PTPRD: variants seen among roughly 807,000 people sequenced by gnomAD.
The protein encoded by PTPRD is protein tyrosine phosphatase receptor type D.
In PTPRD, 34 loss-of-function variants were observed where a neutral mutation model predicts 214.5. That is an observed-to-expected ratio of 0.16 (90% CI 0.12 to 0.21). The LOEUF (loss-of-function observed/expected upper bound fraction) is 0.21. Among genes scored for constraint, PTPRD ranks in the 10% least tolerant of loss-of-function variants. PTPRD has a pLI of 1.00. For synonymous variants in PTPRD, 1,128 were observed against 845.7 expected, an observed-to-expected ratio of 1.33 and a Z score of -5.79; for missense variants, 2,545 against 2,398.7, an observed-to-expected ratio of 1.06 and a Z score of -1.27.
At chr9:8,828,430 C>G (rs1415304724) in intron 11 of PTPRD, among the ~76,000 whole-genome samples, 1 of 152,132 alleles carries the variant, frequency 6.6e-6, no homozygotes, top group South Asian at 2.1e-4. Context: ...GTCTGTGAAC[C>G]AGGAAAAAGA....
Position 8,619,978 on chromosome 9 carries a change from G to A in PTPRD, c.352+13339C>T, listed in dbSNP as rs566783737. On this transcript the variant is annotated intron_variant, in intron 14 of 45. Coordinates refer to ENST00000381196, the MANE Select transcript of PTPRD (RefSeq NM_002839.4). ...TTGGTCAAGCCACCTCTGAATCTCAGCTGCTCTGAACTTGTAGCCTCTCCA... is the reference window on the plus strand; with the variant it reads ...TTGGTCAAGCCACCTCTGAATCTCAACTGCTCTGAACTTGTAGCCTCTCCA... 6.6e-5 allele frequency among the ~76,000 whole-genome samples: 10 copies of A among 152,090 alleles called. 1 individual carries two copies. The South Asian group carries it at 2.1e-3, about 32-fold the overall frequency.
At chr9:8,786,294 C>T (rs1303626457) in intron 11 of PTPRD, among the ~76,000 whole-genome samples, 2 of 150,700 alleles carry the variant, frequency 1.3e-5, no homozygotes, top group Non-Finnish European at 3.0e-5. Context: ...TCAACTAAAA[C>T]AATTACTGAA....
chr9:9,249,479 A>G (rs1039882224), intron 9 of PTPRD, among the ~76,000 whole-genome samples: 1 of 152,130 alleles, frequency 6.6e-6, no homozygotes, highest in African/African-American at 2.4e-5. Context: ...ACATTTTCAA[A>G]AAAATTTGTC....
At chr9:10,462,813 G>A (rs2098968186) in intron 2 of PTPRD, among the ~76,000 whole-genome samples, 1 of 151,492 alleles carries the variant, frequency 6.6e-6, no homozygotes, top group African/African-American at 2.4e-5. Context: ...GCTGTCCTGA[G>A]AAAGTAGTAC....
chr9:9,422,122 T>G (rs2079048511), intron 8 of PTPRD, among the ~76,000 whole-genome samples: 1 of 152,138 alleles, frequency 6.6e-6, no homozygotes, highest in African/African-American at 2.4e-5. Flanking sequence ...TGATTGGTAC[T>G]ACACTAAGAG....
intron 12 of PTPRD, among the ~76,000 whole-genome samples, chr9:8,665,621 C>T (rs1367241869): frequency 1.3e-5 from 2 of 152,126 alleles, no homozygotes; most frequent in Non-Finnish European, 2.9e-5. Context: ...TTTCATAATA[C>T]CTGTATACAC....
chr9:8,604,725 T>C lies in PTPRD; in HGVS notation c.352+28592A>G, dbSNP rs139367974. Among the ~76,000 whole-genome samples, 226 of 152,310 alleles carry C rather than the reference T, an allele frequency of 1.5e-3. 1 individual carries two copies. Among genetic ancestry groups the C allele is most frequent in the African/African-American group, 5.1e-3 (211 of 41,568 alleles). On this transcript the variant is annotated intron_variant, in intron 14 of 45. Coordinates refer to ENST00000381196, the MANE Select transcript of PTPRD (RefSeq NM_002839.4). ...AAGTAATCAATTATCTCCTAAGCTA[T>C]TGCCTACTGAGTTTGGTGGAATAAG...
chr9:10,299,422 G>A (rs1004112715), intron 3 of PTPRD, among the ~76,000 whole-genome samples: 16 of 152,112 alleles, frequency 1.1e-4, no homozygotes, highest in Admixed American at 7.9e-4. Flanking sequence ...TAAACTAGCT[G>A]CATGATTATG....
intron 10 of PTPRD, among the ~76,000 whole-genome samples, chr9:9,038,861 A>T (rs1475652203): frequency 6.6e-6 from 1 of 151,894 alleles, no homozygotes; most frequent in African/African-American, 2.4e-5. Context: ...CCAGCAGATA[A>T]CTATTTTTTT....
chr9:9,477,569 G>A (rs7465855), intron 8 of PTPRD, among the ~76,000 whole-genome samples: 78,974 of 151,978 alleles, frequency 0.52, 20,590 homozygotes, highest in East Asian at 0.68. Flanking sequence ...TGAGGCTGGT[G>A]TTTTTTATCT....
chr9:9,783,239 G>A lies in PTPRD; in HGVS notation c.-367-16388C>T, dbSNP rs143556228. ...AATGATTTTCCCCATTATAGGAGAT[G>A]TGCATTTGTATATTTTTTTACCAAG... On this transcript the variant is annotated intron_variant, in intron 5 of 45. Coordinates refer to ENST00000381196, the MANE Select transcript of PTPRD (RefSeq NM_002839.4). Among the ~76,000 whole-genome samples, 1,094 of 152,302 alleles carry A rather than the reference G, an allele frequency of 7.2e-3. 5 individuals are homozygous for A. The highest frequency in any genetic ancestry group is 0.02 in the Middle Eastern group (6 of 294).
At chr9:8,494,007 GACACACACACACACACAC>G (rs761859777) in intron 26 of PTPRD, among the ~76,000 whole-genome samples, 41 of 91,580 alleles carry the variant, frequency 4.5e-4, no homozygotes, top group Non-Finnish European at 6.8e-4. Context: ...CAGACACACA[GACACACACACACACACAC>G]ACACACACAC....
At chr9:9,294,939 G>T (rs1233847363) in intron 9 of PTPRD, among the ~76,000 whole-genome samples, 2 of 151,702 alleles carry the variant, frequency 1.3e-5, no homozygotes, top group Non-Finnish European at 2.9e-5. Context: ...GAAGTTTTAA[G>T]TGAAATATTA....
intron 3 of PTPRD, among the ~76,000 whole-genome samples, chr9:10,092,239 G>A (rs1232956413): frequency 6.6e-6 from 1 of 151,346 alleles, no homozygotes; most frequent in African/African-American, 2.4e-5. Flanking sequence ...ACACATTTCT[G>A]AGCAAAATGC....
intron 14 of PTPRD, among the ~76,000 whole-genome samples, chr9:8,632,402 T>C (rs2096281696): frequency 6.6e-6 from 1 of 152,018 alleles, no homozygotes; most frequent in Non-Finnish European, 1.5e-5. Context: ...TCTATGATTC[T>C]GATTGTTTCC....
chr9:9,131,114 A>G (rs1403458583), intron 10 of PTPRD, among the ~76,000 whole-genome samples: 1 of 152,208 alleles, frequency 6.6e-6, no homozygotes, highest in Non-Finnish European at 1.5e-5. Flanking sequence ...TGAAGTTAGG[A>G]GTAAAAAGTT....
At chr9:9,834,532 C>T (rs1310443501) in intron 5 of PTPRD, among the ~76,000 whole-genome samples, 3 of 151,946 alleles carry the variant, frequency 2.0e-5, no homozygotes, top group Admixed American at 1.3e-4. Context: ...TCTACCAGTT[C>T]CTAAGTATGC....
chr9:9,178,892 T>C (rs998751731), intron 10 of PTPRD, among the ~76,000 whole-genome samples: 18 of 152,136 alleles, frequency 1.2e-4, no homozygotes, highest in African/African-American at 3.9e-4. Context: ...TTCCCTTAAT[T>C]AGATTAACTT....
At chr9:8,883,027 TC>T (rs149334913) in intron 11 of PTPRD, among the ~76,000 whole-genome samples, 1,963 of 152,132 alleles carry the variant, frequency 0.013, 20 homozygotes, top group Non-Finnish European at 0.021. Context: ...CATACTTTTT[TC>T]CCCCCACAGT....
Sources: allele counts gnomAD v4.1 joint callset (sites outside exome capture counted in the v4.1 genomes callset), GRCh38; gene constraint gnomAD v4.1.1; transcripts MANE v1.5; gene names NCBI Gene and HGNC (gene_info 2026-07-23, HGNC 2026-07-21).